Variants in ENOSF1 observed in about 807,000 individuals in gnomAD.
ENOSF1 encodes mitochondrial enolase superfamily member 1.
ENOSF1 carries 73 observed loss-of-function variants against 68.2 expected under a neutral mutation model. The ratio of observed to expected loss-of-function variants is 1.07; its 90% CI spans 0.89 to 1.30. The LOEUF (loss-of-function observed/expected upper bound fraction) is 1.30, where lower values mean the gene tolerates loss of function less well. Among genes scored for constraint, ENOSF1 ranks in the 50% most tolerant of loss-of-function variants. ENOSF1 has a pLI of 0.00. For synonymous variants in ENOSF1, 223 were observed against 210.4 expected (o/e 1.06, Z -0.52); for missense variants, 589 against 554.5 (o/e 1.06, Z -0.62).
At chr18:664,009 TG>T in the ENOSF1 span, among the ~76,000 whole-genome samples, 3 of 101,760 alleles carry the variant, frequency 2.9e-5, 1 homozygote, top group Non-Finnish European at 5.5e-5. Flanking sequence ...GGCTCTTTTT[TG>T]GTTCCATATG....
intron 1 of ENOSF1, among the ~76,000 whole-genome samples, chr18:710,796 G>A (rs568040110): frequency 2.6e-5 from 4 of 152,334 alleles, no homozygotes; most frequent in African/African-American, 7.2e-5. Flanking sequence ...GAAAGATTGT[G>A]TGACTTAGCC....
At chr18:674,478 T>C in intron 15 of ENOSF1, 72 bp from the exon 16 acceptor site, 1 of 954,946 alleles carries the variant, frequency 1.0e-6, no homozygotes, top group Non-Finnish European at 1.6e-6. Flanking sequence ...GCATTTATGC[T>C]GCTCCAAGAA....
At chr18:697,494 T>C in intron 2 of ENOSF1, 139 bp from the exon 3 acceptor site, 1 of 643,770 alleles carries the variant, frequency 1.6e-6, no homozygotes, top group Non-Finnish European at 2.7e-6. Flanking sequence ...CTCATGCCTG[T>C]AATCTCAACA....
downstream of ENOSF1, among the ~76,000 whole-genome samples, chr18:666,567 G>T (rs565101542): frequency 6.6e-6 from 1 of 152,268 alleles, no homozygotes; most frequent in East Asian, 1.9e-4. Flanking sequence ...TTACTAGCTG[G>T]GCAGAGACCA....
downstream of ENOSF1, chr18:669,239 G>T (rs560539796): frequency 8.5e-6 from 12 of 1,419,606 alleles, no homozygotes; most frequent in South Asian, 1.3e-4. Context: ...ATCTGGTTTT[G>T]TGCAGAGGCA....
intron 1 of ENOSF1, among the ~76,000 whole-genome samples, chr18:708,501 T>C (rs2079174833): frequency 1.3e-5 from 2 of 151,836 alleles, no homozygotes; most frequent in African/African-American, 2.4e-5. Context: ...CGAGACCCCA[T>C]CTCTAAAATA....
intron 2 of ENOSF1, among the ~76,000 whole-genome samples, chr18:700,359 T>C (rs1369767542): frequency 6.6e-6 from 1 of 152,198 alleles, no homozygotes; most frequent in Non-Finnish European, 1.5e-5. Flanking sequence ...CACAGTGAGG[T>C]ACGTTATTAT....
In ENOSF1 at chr18:673,707, A is replaced by T; in HGVS notation, c.*598T>A. The T allele has an allele frequency of 7.5e-6, 1 of 132,560 alleles. No individual in the cohort carries two copies. Among genetic ancestry groups the T allele is most frequent in the Non-Finnish European group, 1.5e-5 (1 of 66,314 alleles). The allele number at this position is 132,560 out of a possible 1,614,324, so 8.2% of individuals were successfully genotyped here. On this transcript the variant is annotated 3_prime_UTR_variant, in exon 16 of 16. Transcript: ENST00000647584. ...TCAAAATATAATGACCATTTAGGAT[A>T]GAGTTTTTTTTTTTTTTTTTTAAAC...
At position 677,439 on chromosome 18, in the gene ENOSF1, C is replaced by T. The variant is rs770415049; in HGVS notation, c.1054G>A (p.Val352Ile). 1 of 1,612,172 alleles carries T rather than the reference C, an allele frequency of 6.2e-7. No individual in the cohort carries two copies. Among genetic ancestry groups the T allele is most frequent in the African/African-American group, 1.3e-5 (1 of 74,868 alleles). ...CCAACTCCACCAGCATGGGGGCAAACAGGAACTAAAAGGAAATCGTTTCTA... is the reference window on the plus strand; with the variant it reads ...CCAACTCCACCAGCATGGGGGCAAATAGGAACTAAAAGGAAATCGTTTCTA... ...LLMAKKFEIP[V>I]CPHAGGVGLC... is the part of the protein sequence containing the mutation. Residue 352 changes from valine to isoleucine, a missense_variant, in exon 14 of 16, where the codon GTT (valine) becomes ATT (isoleucine). Physicochemically the swap from Val to Ile is conservative, Grantham distance 29. Coordinates refer to ENST00000647584, the MANE Select transcript of ENOSF1 (RefSeq NM_017512.7).
At chr18:688,203 C>T (rs991545403) in intron 9 of ENOSF1, 2 of 200,554 alleles carry the variant, frequency 1.0e-5, no homozygotes, top group African/African-American at 4.7e-5. Flanking sequence ...CCACCTAATA[C>T]TCAAAGCCCT....
At chr18:707,363 T>C (rs2079050880) in intron 1 of ENOSF1, among the ~76,000 whole-genome samples, 1 of 152,198 alleles carries the variant, frequency 6.6e-6, no homozygotes, top group Admixed American at 6.5e-5. Flanking sequence ...CACTCGCAGC[T>C]ATCTCTGTCA....
rs1399298240 is a variant in ENOSF1, at chr18:693,431, T to C, written c.423+451A>G. On this transcript the variant is annotated intron_variant, in intron 5 of 15. Coordinates refer to ENST00000647584, the MANE Select transcript of ENOSF1 (RefSeq NM_017512.7). ...CCTGGGCTCAAGCCATCCTCCAGCC[T>C]TCCAAAGTATTGGGATTACAGGCTT... The C allele has an allele frequency of 2.7e-5, 27 of 984,190 alleles. No homozygotes were observed. The Admixed American group carries it at 1.7e-3, about 60-fold the overall frequency. 61.0% of individuals were successfully genotyped at this position (984,190 alleles called of 1,614,324 possible).
downstream of ENOSF1, chr18:669,307 T>C (rs541661319): frequency 2.2e-5 from 14 of 636,536 alleles, no homozygotes; most frequent in Non-Finnish European, 3.3e-5. Flanking sequence ...TTGTGTGACG[T>C]TGGGCAAGTC....
intron 3 of ENOSF1, among the ~76,000 whole-genome samples, chr18:695,724 C>G (rs553722806): frequency 6.6e-6 from 1 of 152,212 alleles, no homozygotes; most frequent in East Asian, 1.9e-4. Context: ...GGATTATAGG[C>G]GTGAGCTACT....
At chr18:666,606 A>AC (rs1470134235), downstream of ENOSF1, among the ~76,000 whole-genome samples, 1 of 152,186 alleles carries the variant, frequency 6.6e-6, no homozygotes, top group East Asian at 1.9e-4. Context: ...GTCTCATCTA[A>AC]GGGGACAGTC....
intron 1 of ENOSF1, chr18:712,302 G>C: frequency 2.0e-6 from 3 of 1,502,198 alleles, no homozygotes; most frequent in South Asian, 2.4e-5. Flanking sequence ...AGCTGCCCGG[G>C]GCCCGCAGAG....
chr18:697,150 A>G (rs780224756), intron 3 of ENOSF1, 90 bp downstream of exon 3: 3 of 882,222 alleles, frequency 3.4e-6, no homozygotes, highest in Non-Finnish European at 5.8e-6. Context: ...AAATAAACCC[A>G]TCTCTATTTT....
At chr18:683,112 A>G (rs1455466274) in intron 11 of ENOSF1, 134 bp downstream of exon 11, 1 of 1,063,544 alleles carries the variant, frequency 9.4e-7, no homozygotes, top group African/African-American at 1.6e-5. Context: ...TTTGTCACAC[A>G]TTACAATTAT....
intron 3 of ENOSF1, among the ~76,000 whole-genome samples, chr18:696,166 A>C (rs375943620): frequency 1.3e-5 from 2 of 149,198 alleles, no homozygotes; most frequent in East Asian, 3.9e-4. Context: ...CTCTTCTCTT[A>C]ATGTTTTCTC....
Sources: allele counts gnomAD v4.1 joint callset (sites outside exome capture counted in the v4.1 genomes callset), GRCh38; gene constraint gnomAD v4.1.1; transcripts MANE v1.5; gene names NCBI Gene and HGNC (gene_info 2026-07-23, HGNC 2026-07-21).